Variants in C1QTNF5 observed in about 807,000 individuals in gnomAD.
C1QTNF5 encodes complement C1q tumor necrosis factor-related protein 5.
Under a neutral mutation model 10.9 loss-of-function variants are expected in C1QTNF5, and 5 were observed. That is an observed-to-expected ratio of 0.46 (90% CI 0.24 to 0.97). The LOEUF (loss-of-function observed/expected upper bound fraction) is 0.97. C1QTNF5 is among the 50% of genes least tolerant of loss of function. The probability of loss-of-function intolerance (pLI) is 0.19; values close to 1 mark genes in which losing one functional copy is unlikely to be tolerated. For synonymous variants in C1QTNF5, 161 were observed against 156.5 expected (o/e 1.03, Z -0.22); for missense variants, 281 against 339.4 (o/e 0.83, Z 1.35).
upstream of C1QTNF5, chr11:119,345,338 CT>C: frequency 7.0e-7 from 1 of 1,431,754 alleles, no homozygotes; most frequent in African/African-American, 1.4e-5. Flanking sequence ...TCGGTTAGCC[CT>C]TCTCCCTGCC....
upstream of C1QTNF5, chr11:119,345,722 C>T: frequency 6.2e-7 from 1 of 1,613,078 alleles, no homozygotes; most frequent in Non-Finnish European, 8.5e-7. Flanking sequence ...CCCTCAACCC[C>T]ACCCCGTCAT....
chr11:119,344,474 G>C (rs1053606129), upstream of C1QTNF5: 26 of 1,556,556 alleles, frequency 1.7e-5, no homozygotes, highest in African/African-American at 3.5e-4. Context: ...CAGAGCGAGA[G>C]TTTTGGCCAT....
At chr11:119,345,011 G>A, upstream of C1QTNF5, 1 of 1,601,968 alleles carries the variant, frequency 6.2e-7, no homozygotes, top group Non-Finnish European at 8.5e-7. Flanking sequence ...AACCCTGCAA[G>A]AAGCCAGGTT....
chr11:119,341,568 C>G, upstream of C1QTNF5: 1 of 1,612,732 alleles, frequency 6.2e-7, no homozygotes, highest in Non-Finnish European at 8.5e-7. Flanking sequence ...GCACAAGCTT[C>G]CAGGTCAGCT....
chr11:119,346,259 CT>C, the C1QTNF5 span: 2 of 1,607,234 alleles, frequency 1.2e-6, no homozygotes, highest in African/African-American at 2.7e-5. Flanking sequence ...AGGTCACCCC[CT>C]GGGATGGTTA....
At position 119,340,289 on chromosome 11, in the gene C1QTNF5, T is replaced by G. The variant is rs1196633355; in HGVS notation, c.109A>C (p.Thr37Pro). 6.5e-7 allele frequency: 1 copy of G among 1,532,094 alleles called. No homozygotes were observed. Among genetic ancestry groups the G allele is most frequent in the African/African-American group, 1.4e-5 (1 of 70,452 alleles). The allele number at this position is 1,532,094 out of a possible 1,614,324, so 94.9% of individuals were successfully genotyped here. ...CCCTGGCTGCCATGGTGGCCCGGCG[T>G]GCCTGGAAGGCCGGGGTGCCCCGGG... ...LCPGHPGLPG[T>P]PGHHGSQGLP... The change falls in exon 2 of 3, where the codon ACG becomes CCG. Residue 37 changes from threonine to proline, a missense_variant. Transcript: ENST00000528368.
In C1QTNF5 at chr11:119,339,578, G is replaced by T; in HGVS notation, c.485C>A (p.Ala162Asp). 6.2e-7 allele frequency: 1 copy of T among 1,613,480 alleles called. No homozygotes were observed. ...CTTCACCAGATCAAACTGCAGGCTGGCCCGGTAGACGGTGGCATGGACGGC... is the reference window on the plus strand; with the variant it reads ...CTTCACCAGATCAAACTGCAGGCTGTCCCGGTAGACGGTGGCATGGACGGC... ...YFAVHATVYRASLQFDLVKNG... is the reference protein window; with the variant it reads ...YFAVHATVYRDSLQFDLVKNG... The change falls in exon 3 of 3, where the codon GCC becomes GAC. Residue 162 changes from alanine to aspartate, a missense_variant. By Grantham distance (126) the Ala-to-Asp change is moderately radical. Transcript: ENST00000528368. The surrounding 1 kb of genome is among the most constrained non-coding windows in gnomAD (Gnocchi z 5.4).
the C1QTNF5 span, chr11:119,346,302 C>T: frequency 1.2e-6 from 2 of 1,613,858 alleles, no homozygotes; most frequent in Admixed American, 3.3e-5. Context: ...CTGTAGCTGG[C>T]ATCCTCTGGG....
At chr11:119,341,796 G>C, upstream of C1QTNF5, 1 of 1,613,342 alleles carries the variant, frequency 6.2e-7, no homozygotes, top group Non-Finnish European at 8.5e-7. Context: ...GTGGCCTTCA[G>C]GCACCTGCTC....
At position 119,340,271 on chromosome 11, in the gene C1QTNF5, T is replaced by C. The variant is rs1451961845; in HGVS notation, c.127A>G (p.Ser43Gly). ...CCATCGCGGCCCGGCAAGCCCTGGC[T>C]GCCATGGTGGCCCGGCGTGCCTGGA... is the stretch of plus-strand genomic sequence containing the variant. ...GLPGTPGHHG[S>G]QGLPGRDGRD... The change falls in exon 2 of 3, where the codon AGC becomes GGC. Residue 43 changes from serine to glycine, a missense_variant. Physicochemically the swap from Ser to Gly is moderately conservative, Grantham distance 56. Transcript: ENST00000528368. The C allele has an allele frequency of 6.5e-6, 10 of 1,527,578 alleles. No homozygotes were observed. In the South Asian group the frequency reaches 1.1e-4, roughly 17 times the overall value. 94.6% of individuals were successfully genotyped at this position (1,527,578 alleles called of 1,614,324 possible).
At chr11:119,340,652 C>A in intron 1 of C1QTNF5, 43 bp downstream of exon 1, 1 of 535,736 alleles carries the variant, frequency 1.9e-6, no homozygotes, top group South Asian at 2.2e-5. Flanking sequence ...GCCTTTCCCA[C>A]AGTCCCCTCC....
At chr11:119,346,689 C>T in the C1QTNF5 span, 1 of 679,496 alleles carries the variant, frequency 1.5e-6, no homozygotes, top group Non-Finnish European at 2.7e-6. Context: ...GGCCTATGGG[C>T]TACTCTGTCT....
chr11:119,344,918 C>T (rs751515203), upstream of C1QTNF5: 13 of 1,612,118 alleles, frequency 8.1e-6, no homozygotes, highest in Admixed American at 2.0e-4. Flanking sequence ...GAAACCAAAT[C>T]CTTCCACACT....
Position 119,339,832 on chromosome 11 carries a change from T to G in C1QTNF5, c.231A>C (p.Arg77=). The stretch of plus-strand genomic sequence containing the variant: ...CCTCTCCTCGCGGCCCGGGGTCCCC[T>G]CGAGGTCCCGGCAGTCCTGCGGGGT... ...EGGRPGLPGP[R]GDPGPRGEAG... Residue 77 remains arginine (R), a synonymous_variant, in exon 3 of 3, where the codon CGA becomes CGC. Coordinates refer to ENST00000528368, the MANE Select transcript of C1QTNF5 (RefSeq NM_001278431.2). This position sits in a 1 kb window ranked among gnomAD's most constrained non-coding sequence, Gnocchi z 5.4. 1 of 1,506,106 alleles carries G rather than the reference T, an allele frequency of 6.6e-7. No individual in the cohort carries two copies. Among genetic ancestry groups the G allele is most frequent in the Non-Finnish European group, 8.8e-7 (1 of 1,134,224 alleles). 93.3% of individuals were successfully genotyped at this position (1,506,106 alleles called of 1,614,324 possible).
rs1262318162 is a variant in C1QTNF5, at chr11:119,339,703, G to A, written c.360C>T (p.Asp120=). The A allele has an allele frequency of 1.2e-6, 2 of 1,605,812 alleles. No individual in the cohort carries two copies. Among genetic ancestry groups the A allele is most frequent in the Non-Finnish European group, 1.7e-6 (2 of 1,179,106 alleles). ...GCACGCGGTCGAAGGGCAAGGGTGC[G>A]TCAGACGGCGGAGGCACCCGGCTCT... ...RSESRVPPPS[D]APLPFDRVLV... Residue 120 remains aspartate (D), a synonymous_variant, in exon 3 of 3, where the codon GAC becomes GAT. Coordinates refer to ENST00000528368, the MANE Select transcript of C1QTNF5 (RefSeq NM_001278431.2). This position sits in a 1 kb window ranked among gnomAD's most constrained non-coding sequence, Gnocchi z 5.4.
At chr11:119,346,046 G>A in the C1QTNF5 span, 11 of 1,610,942 alleles carry the variant, frequency 6.8e-6, no homozygotes, top group East Asian at 2.2e-5. Flanking sequence ...GGGTACTTAC[G>A]GGCCAGGATG....
At chr11:119,341,659 C>G (rs1950503860), upstream of C1QTNF5, 1 of 1,612,916 alleles carries the variant, frequency 6.2e-7, no homozygotes, top group African/African-American at 1.3e-5. Flanking sequence ...GCTCCGCTTC[C>G]TGGCAGACAG....
At chr11:119,344,072 C>T, upstream of C1QTNF5, 3 of 1,427,084 alleles carry the variant, frequency 2.1e-6, no homozygotes, top group South Asian at 1.2e-5. Flanking sequence ...TGGGGTGGTG[C>T]TTTCATCATT....
chr11:119,339,038 G>C lies in C1QTNF5; in HGVS notation c.*293C>G. The C allele has an allele frequency of 2.7e-6, 1 of 367,958 alleles. No individual in the cohort carries two copies. The highest frequency in any genetic ancestry group is 6.1e-5 in the South Asian group (1 of 16,358). 22.8% of individuals were successfully genotyped at this position (367,958 alleles called of 1,614,324 possible). On this transcript the variant is annotated 3_prime_UTR_variant, in exon 3 of 3. Transcript: ENST00000528368. This position sits in a 1 kb window ranked among gnomAD's most constrained non-coding sequence, Gnocchi z 5.4. Reference sequence around the variant, plus strand: ...ATCCAGAGAAGCAGAGGACCAGGAAGAGAGCACCCCACCGTGGGCTCCTGG... The same window carrying C: ...ATCCAGAGAAGCAGAGGACCAGGAACAGAGCACCCCACCGTGGGCTCCTGG...
Sources: allele counts gnomAD v4.1 joint callset, GRCh38; gene constraint gnomAD v4.1.1; non-coding constraint Gnocchi (gnomAD v3.1); transcripts MANE v1.5; gene names NCBI Gene and HGNC (gene_info 2026-07-23, HGNC 2026-07-21).